SHQ1: variants seen among roughly 807,000 people sequenced by gnomAD.
SHQ1 encodes SHQ1, H/ACA ribonucleoprotein assembly factor.
A neutral mutation model predicts 53.8 loss-of-function variants in SHQ1; 49 were observed. That is an observed-to-expected ratio of 0.91 (90% CI 0.72 to 1.16). SHQ1 has a LOEUF of 1.16. SHQ1 is among the 50% of genes most tolerant of loss of function. The probability of loss-of-function intolerance (pLI) is 0.00; values close to 1 mark genes in which losing one functional copy is unlikely to be tolerated. For missense variants in SHQ1, 738 were observed against 683.1 expected, an observed-to-expected ratio of 1.08 and a Z score of -0.90; for synonymous variants, 243 against 251.0, an observed-to-expected ratio of 0.97 and a Z score of 0.30.
At chr3:72,777,856 G>A (rs1417285766) in intron 10 of SHQ1, among the ~76,000 whole-genome samples, 1 of 152,172 alleles carries the variant, frequency 6.6e-6, no homozygotes. Context: ...CAGACAATGG[G>A]ATAGTACACT....
At chr3:72,792,402 A>G (rs1054260067) in intron 10 of SHQ1, among the ~76,000 whole-genome samples, 3 of 152,190 alleles carry the variant, frequency 2.0e-5, no homozygotes, top group Non-Finnish European at 4.4e-5. Context: ...CCATCTGTGT[A>G]CCTCCTTCCC....
the SHQ1 span, among the ~76,000 whole-genome samples, chr3:72,737,824 T>C: frequency 6.6e-6 from 1 of 152,218 alleles, no homozygotes; most frequent in African/African-American, 2.4e-5. Context: ...AACCCATGGA[T>C]ATGGAGGGCC....
chr3:72,777,183 A>G (rs1474629211), intron 10 of SHQ1, among the ~76,000 whole-genome samples: 1 of 152,234 alleles, frequency 6.6e-6, no homozygotes, highest in African/African-American at 2.4e-5. Flanking sequence ...GCACACCCAT[A>G]AAGGAACACA....
At chr3:72,838,317 T>C (rs768557461) in intron 4 of SHQ1, among the ~76,000 whole-genome samples, 17 of 152,256 alleles carry the variant, frequency 1.1e-4, no homozygotes, top group Non-Finnish European at 2.2e-4. Context: ...ATTTACGTTA[T>C]AAAACCCTTA....
intron 10 of SHQ1, among the ~76,000 whole-genome samples, chr3:72,769,524 G>A (rs1288518456): frequency 6.6e-6 from 1 of 152,158 alleles, no homozygotes; most frequent in Non-Finnish European, 1.5e-5. Flanking sequence ...TTTGGGATTT[G>A]CCTCAAGTTG....
intron 10 of SHQ1, among the ~76,000 whole-genome samples, chr3:72,778,079 G>C (rs752491949): frequency 7.9e-5 from 12 of 152,168 alleles, no homozygotes; most frequent in Non-Finnish European, 1.3e-4. Context: ...ATAAAATTTA[G>C]AGTTGTGGTT....
At chr3:72,745,238 C>T (rs1041558486), downstream of SHQ1, among the ~76,000 whole-genome samples, 9 of 152,050 alleles carry the variant, frequency 5.9e-5, no homozygotes, top group Admixed American at 2.0e-4. Flanking sequence ...ATTTGATCCA[C>T]GTAACCAAAG....
intron 10 of SHQ1, among the ~76,000 whole-genome samples, chr3:72,783,139 A>T (rs187928748): frequency 6.5e-4 from 99 of 152,322 alleles, no homozygotes; most frequent in African/African-American, 2.3e-3. Flanking sequence ...AGTATCAGGG[A>T]CTAAAACAAG....
In SHQ1 at chr3:72,778,140, T is replaced by C. The variant is rs1165502942; in HGVS notation, c.1181+14776A>G. 3.3e-5 allele frequency among the ~76,000 whole-genome samples: 5 copies of C among 152,088 alleles called. 1 individual carries two copies. The highest frequency in any genetic ancestry group is 4.1e-4 in the South Asian group (2 of 4,834). ...GGTCCCATAGGGAATCTCTAGGAAA[T>C]TGGTGATATTCTATTTCTTAAGATT... On this transcript the variant is annotated intron_variant, in intron 10 of 10. Coordinates refer to ENST00000325599, the MANE Select transcript of SHQ1 (RefSeq NM_018130.3).
intron 10 of SHQ1, among the ~76,000 whole-genome samples, chr3:72,758,720 C>T (rs921797147): frequency 6.6e-6 from 1 of 152,010 alleles, no homozygotes; most frequent in Non-Finnish European, 1.5e-5. Flanking sequence ...CAGGCACTCA[C>T]CACCACGCCC....
chr3:72,755,528 T>C (rs1705481585), intron 10 of SHQ1, among the ~76,000 whole-genome samples: 1 of 152,344 alleles, frequency 6.6e-6, no homozygotes, highest in African/African-American at 2.4e-5. Context: ...AGCATTGGTG[T>C]AGAATGTGCC....
At chr3:72,825,907 T>C (rs1707638771) in intron 5 of SHQ1, among the ~76,000 whole-genome samples, 1 of 152,216 alleles carries the variant, frequency 6.6e-6, no homozygotes, top group Non-Finnish European at 1.5e-5. Flanking sequence ...GTTCTTTGTA[T>C]GTTCCAGGCA....
the SHQ1 span, among the ~76,000 whole-genome samples, chr3:72,741,668 C>T: frequency 2.6e-5 from 4 of 152,008 alleles, no homozygotes; most frequent in African/African-American, 7.2e-5. Flanking sequence ...CAGCGCTTGG[C>T]TTCATGCAGT....
chr3:72,731,687 C>CAAAA, the SHQ1 span, among the ~76,000 whole-genome samples: 7 of 108,716 alleles, frequency 6.4e-5, no homozygotes, highest in African/African-American at 1.7e-4. Flanking sequence ...GACTCCGTTT[C>CAAAA]AAAAAAAAAA....
intron 9 of SHQ1, among the ~76,000 whole-genome samples, chr3:72,797,861 A>T (rs1245499064): frequency 6.6e-6 from 1 of 152,100 alleles, no homozygotes; most frequent in Non-Finnish European, 1.5e-5. Flanking sequence ...ACAGCATCAC[A>T]GCCAGGAGAC....
intron 5 of SHQ1, among the ~76,000 whole-genome samples, chr3:72,828,287 G>A (rs1393587658): frequency 1.3e-5 from 2 of 152,228 alleles, no homozygotes; most frequent in Non-Finnish European, 1.5e-5. Flanking sequence ...AACAGGGCAA[G>A]TGCATGGAAG....
intron 10 of SHQ1, among the ~76,000 whole-genome samples, chr3:72,764,079 A>G (rs962433020): frequency 6.6e-6 from 1 of 152,014 alleles, no homozygotes; most frequent in Non-Finnish European, 1.5e-5. Flanking sequence ...GCGTAATAAC[A>G]TGAGGGGAAT....
intron 9 of SHQ1, among the ~76,000 whole-genome samples, chr3:72,810,947 A>G (rs1707100690): frequency 6.6e-6 from 1 of 152,220 alleles, no homozygotes; most frequent in Admixed American, 6.5e-5. Context: ...TGTTACTATC[A>G]TAACACAGCT....
chr3:72,825,082 C>T (rs1168653943), intron 5 of SHQ1, among the ~76,000 whole-genome samples: 3 of 151,998 alleles, frequency 2.0e-5, no homozygotes, highest in Non-Finnish European at 4.4e-5. Flanking sequence ...GGATTACAGG[C>T]TTGACCCACT....
Sources: allele counts gnomAD v4.1 joint callset (sites outside exome capture counted in the v4.1 genomes callset), GRCh38; gene constraint gnomAD v4.1.1; transcripts MANE v1.5; gene names NCBI Gene and HGNC (gene_info 2026-07-23, HGNC 2026-07-21).